Variants in ACP3 observed in about 807,000 individuals in gnomAD.
ACP3 encodes the protein prostatic acid phosphatase.
In ACP3, 38 loss-of-function variants were observed where a neutral mutation model predicts 45.6. The observed-to-expected ratio is 0.83, with a 90% confidence interval of 0.64 to 1.09. ACP3 has a LOEUF of 1.09. ACP3 is among the 50% of genes least tolerant of loss of function. ACP3 has a pLI of 0.00. For synonymous variants in ACP3, 162 were observed against 164.7 expected, an observed-to-expected ratio of 0.98 and a Z score of 0.13; for missense variants, 466 against 463.2, an observed-to-expected ratio of 1.01 and a Z score of -0.05.
intron 3 of ACP3, among the ~76,000 whole-genome samples, 164 bp downstream of exon 3, chr3:132,331,897 T>C (rs1376145678): frequency 1.3e-5 from 2 of 152,240 alleles, no homozygotes; most frequent in Non-Finnish European, 2.9e-5. Context: ...AAAAAGTTTG[T>C]GAATATGAGT....
intron 5 of ACP3, among the ~76,000 whole-genome samples, 157 bp downstream of exon 5, chr3:132,337,711 G>A (rs1369761682): frequency 2.0e-5 from 3 of 152,218 alleles, no homozygotes; most frequent in Non-Finnish European, 4.4e-5. Context: ...TATTTAATGA[G>A]GGAGGTCATC....
chr3:132,330,712 G>A (rs1937384713), intron 2 of ACP3, among the ~76,000 whole-genome samples: 1 of 152,126 alleles, frequency 6.6e-6, no homozygotes, highest in Admixed American at 6.5e-5. Flanking sequence ...TGACAAGTGG[G>A]ACCAAGCAGC....
chr3:132,342,382 G>A (rs998186752), intron 5 of ACP3, among the ~76,000 whole-genome samples, 170 bp from the exon 6 acceptor site: 3 of 152,196 alleles, frequency 2.0e-5, no homozygotes, highest in African/African-American at 7.2e-5. Context: ...ATACAAGTGG[G>A]AGATTAGGAA....
At chr3:132,349,621 T>G (rs139182543) in intron 7 of ACP3, among the ~76,000 whole-genome samples, 1 of 152,256 alleles carries the variant, frequency 6.6e-6, no homozygotes, top group African/African-American at 2.4e-5. Flanking sequence ...CCCGGTATGG[T>G]AGAGTCCTAG....
chr3:132,327,212 A>C (rs945226838), intron 1 of ACP3, among the ~76,000 whole-genome samples: 8 of 152,236 alleles, frequency 5.3e-5, no homozygotes, highest in Admixed American at 3.9e-4. Flanking sequence ...AAAATCTATT[A>C]TTTTTATTGT....
intron 6 of ACP3, 72 bp downstream of exon 6, chr3:132,342,716 A>G (rs1937566575): frequency 2.1e-6 from 2 of 936,082 alleles, no homozygotes; most frequent in Admixed American, 5.1e-5. Flanking sequence ...GAAATAGATG[A>G]ATATCTTTTC....
chr3:132,359,053 A>G (rs1446872536), downstream of ACP3, among the ~76,000 whole-genome samples: 1 of 152,212 alleles, frequency 6.6e-6, no homozygotes, highest in Non-Finnish European at 1.5e-5. Context: ...AGTGCACAAT[A>G]TACTAGGGAA....
chr3:132,331,682 T>C lies in ACP3; in HGVS notation c.252T>C (p.Tyr84=), dbSNP rs762344566. 5.6e-6 allele frequency: 9 copies of C among 1,607,146 alleles called. No individual in the cohort carries two copies. The highest frequency in any genetic ancestry group is 1.3e-5 in the African/African-American group (1 of 74,568). The change falls in exon 3 of 10, where the codon TAT becomes TAC. Residue 84 remains tyrosine (Y), a synonymous_variant. Coordinates refer to ENST00000336375, the MANE Select transcript of ACP3 (RefSeq NM_001099.5). ...GMEQHYELGE[Y]IRKRYRKFLN... is the part of the protein sequence containing the mutation. ...AGCAGCATTATGAACTTGGAGAGTATATAAGAAAGAGATATAGAAAATTCT... is the reference window on the plus strand; with the variant it reads ...AGCAGCATTATGAACTTGGAGAGTACATAAGAAAGAGATATAGAAAATTCT...
At chr3:132,366,562 A>C (rs1406572707) in intron 10 of ACP3, among the ~76,000 whole-genome samples, 7 of 152,220 alleles carry the variant, frequency 4.6e-5, no homozygotes, top group Admixed American at 3.9e-4. Flanking sequence ...GTTTCCATCA[A>C]CTGAGAAGAG....
At chr3:132,340,689 T>C (rs1937544560) in intron 5 of ACP3, among the ~76,000 whole-genome samples, 2 of 152,218 alleles carry the variant, frequency 1.3e-5, no homozygotes, top group African/African-American at 2.4e-5. Context: ...GAAGCTATTA[T>C]ATATTAAAAT....
At chr3:132,345,119 G>A in intron 7 of ACP3, 60 bp downstream of exon 7, 1 of 1,465,698 alleles carries the variant, frequency 6.8e-7, no homozygotes, top group Non-Finnish European at 9.4e-7. Context: ...CCAGGTCTGA[G>A]TCATTCCCTC....
At chr3:132,339,076 G>T (rs1480058111) in intron 5 of ACP3, among the ~76,000 whole-genome samples, 1 of 151,874 alleles carries the variant, frequency 6.6e-6, no homozygotes, top group African/African-American at 2.4e-5. Context: ...TCCCCTCTAT[G>T]TGTCCGTGTA....
intron 7 of ACP3, among the ~76,000 whole-genome samples, chr3:132,347,370 C>A (rs765204346): frequency 2.6e-5 from 4 of 152,242 alleles, no homozygotes; most frequent in Non-Finnish European, 5.9e-5. Flanking sequence ...ACAGAAAACA[C>A]ACATTGTCTA....
intron 10 of ACP3, among the ~76,000 whole-genome samples, chr3:132,366,006 ATTGTGGCC>A (rs2107825553): frequency 6.7e-6 from 1 of 150,120 alleles, no homozygotes; most frequent in East Asian, 2.0e-4. Flanking sequence ...AAAAAAAAGG[ATTGTGGCC>A]TTGTGGCCAG....
chr3:132,366,462 A>G (rs1418396745), intron 10 of ACP3, among the ~76,000 whole-genome samples: 3 of 152,230 alleles, frequency 2.0e-5, no homozygotes, highest in South Asian at 4.1e-4. Context: ...AGTAAGACCA[A>G]TAGGATTTCC....
chr3:132,354,535 T>A (rs1454718649), intron 9 of ACP3, among the ~76,000 whole-genome samples: 1 of 152,220 alleles, frequency 6.6e-6, no homozygotes, highest in Non-Finnish European at 1.5e-5. Flanking sequence ...TGAAACGTGA[T>A]TGCTTTTAAA....
rs1937397851 is a variant in ACP3 at position 132,331,535 on chromosome 3, C to T, written c.217-112C>T. The T allele has an allele frequency of 2.8e-5, 20 of 725,880 alleles. No individual in the cohort carries two copies. The Middle Eastern group carries it at 1.6e-3, about 58-fold the overall frequency. The allele number at this position is 725,880 out of a possible 1,614,324, so 45.0% of individuals were successfully genotyped here. On this transcript the variant is annotated intron_variant, in intron 2 of 9. Coordinates refer to ENST00000336375, the MANE Select transcript of ACP3 (RefSeq NM_001099.5). ...TCATTATTGTGGAACTATTAAACCA[C>T]ACCATTGTTCATTCTACACACATAA...
At chr3:132,344,456 A>G in intron 6 of ACP3, among the ~76,000 whole-genome samples, 1 of 152,052 alleles carries the variant, frequency 6.6e-6, no homozygotes, top group African/African-American at 2.4e-5. Flanking sequence ...AAAAAAAAAA[A>G]AGAAAAAAAA....
intron 9 of ACP3, among the ~76,000 whole-genome samples, chr3:132,354,755 G>A (rs903685776): frequency 6.6e-6 from 1 of 152,062 alleles, no homozygotes; most frequent in Non-Finnish European, 1.5e-5. Flanking sequence ...ATTTAATTTT[G>A]GGTTAGATAC....
Sources: gnomAD v4.1 joint callset for allele counts (sites outside exome capture counted in the v4.1 genomes callset) on GRCh38, gnomAD v4.1.1 for gene constraint, MANE v1.5 for transcripts, NCBI Gene and HGNC (gene_info 2026-07-23, HGNC 2026-07-21) for gene names.